The following WDR72 variants were observed in gnomAD, a reference collection of about 807,000 sequenced individuals.
WDR72 encodes the protein WD repeat-containing protein 72.
WDR72 carries 120 observed loss-of-function variants against 124.2 expected under a neutral mutation model. The observed-to-expected ratio is 0.97, with a 90% CI of 0.83 to 1.12. The LOEUF is 1.12. WDR72 is among the 50% of genes most tolerant of loss of function. WDR72 has a pLI of 0.00. For missense variants in WDR72, 1,387 were observed against 1,278.8 expected (o/e 1.08, Z -1.29); for synonymous variants, 452 against 441.7 (o/e 1.02, Z -0.29).
At chr15:53,570,262 ATTT>A (rs34458553) in intron 18 of WDR72, among the ~76,000 whole-genome samples, 3 of 146,478 alleles carry the variant, frequency 2.0e-5, no homozygotes, top group African/African-American at 7.4e-5. Flanking sequence ...CTCATATACC[ATTT>A]TTTTTTTTTT....
At chr15:53,588,800 T>G (rs2012351271) in intron 18 of WDR72, among the ~76,000 whole-genome samples, 2 of 150,352 alleles carry the variant, frequency 1.3e-5, no homozygotes, top group Admixed American at 6.6e-5. Context: ...CAGAATTGCA[T>G]TTGATGGAGG....
At chr15:53,530,593 T>C (rs1044082150) in intron 18 of WDR72, among the ~76,000 whole-genome samples, 7 of 151,986 alleles carry the variant, frequency 4.6e-5, no homozygotes, top group African/African-American at 1.2e-4. Context: ...TATTGATAAA[T>C]TGAAGAACAG....
intron 19 of WDR72, among the ~76,000 whole-genome samples, chr15:53,522,497 T>C (rs1202472049): frequency 6.6e-6 from 1 of 152,096 alleles, no homozygotes; most frequent in Non-Finnish European, 1.5e-5. Context: ...TCCAGGAATG[T>C]TCATTCGACT....
At chr15:53,752,031 G>A (rs929068338) in intron 1 of WDR72, among the ~76,000 whole-genome samples, 2 of 152,106 alleles carry the variant, frequency 1.3e-5, no homozygotes, top group African/African-American at 2.4e-5. Context: ...ATCCTGCTAA[G>A]TAAACAATAT....
chr15:53,669,625 C>A (rs2015921109), intron 13 of WDR72, among the ~76,000 whole-genome samples: 1 of 152,094 alleles, frequency 6.6e-6, no homozygotes, highest in Non-Finnish European at 1.5e-5. Flanking sequence ...ACTTATGATG[C>A]AGAATGTTTC....
chr15:53,664,375 C>T (rs540831478), intron 14 of WDR72, among the ~76,000 whole-genome samples: 1 of 152,260 alleles, frequency 6.6e-6, no homozygotes, highest in South Asian at 2.1e-4. Context: ...GTTGACAAAT[C>T]CTAGACTCAC....
At chr15:53,597,354 G>T in intron 17 of WDR72, 80 bp from the exon 18 acceptor site, 1 of 1,421,904 alleles carries the variant, frequency 7.0e-7, no homozygotes. Context: ...CCAAAGCCCG[G>T]AATTTAAATT....
intron 13 of WDR72, among the ~76,000 whole-genome samples, chr15:53,682,371 C>A (rs1471482149): frequency 6.6e-6 from 1 of 151,836 alleles, no homozygotes; most frequent in African/African-American, 2.4e-5. Context: ...AAGATGTACA[C>A]TGGGTCTTGT....
At chr15:53,662,649 T>C (rs2140446138) in intron 14 of WDR72, among the ~76,000 whole-genome samples, 1 of 152,282 alleles carries the variant, frequency 6.6e-6, no homozygotes, top group South Asian at 2.1e-4. Flanking sequence ...TTCTTAAAAT[T>C]AATTTTTTTC....
chr15:53,760,103 C>G (rs2019033768), upstream of WDR72, among the ~76,000 whole-genome samples: 1 of 149,170 alleles, frequency 6.7e-6, no homozygotes, highest in Non-Finnish European at 1.5e-5. Flanking sequence ...TACAGACAAA[C>G]AATGCGTAAT....
At chr15:53,690,444 C>T (rs2016801613) in intron 13 of WDR72, among the ~76,000 whole-genome samples, 1 of 152,140 alleles carries the variant, frequency 6.6e-6, no homozygotes, top group Admixed American at 6.5e-5. Flanking sequence ...CTCCACCCTC[C>T]CACAACCACA....
At chr15:53,602,200 A>G (rs1031935438) in intron 17 of WDR72, among the ~76,000 whole-genome samples, 6 of 152,130 alleles carry the variant, frequency 3.9e-5, no homozygotes, top group African/African-American at 1.4e-4. Context: ...AAAACCATAC[A>G]ATTACATGGA....
intron 13 of WDR72, among the ~76,000 whole-genome samples, chr15:53,693,589 T>C (rs1235689904): frequency 6.6e-6 from 1 of 152,228 alleles, no homozygotes; most frequent in Non-Finnish European, 1.5e-5. Context: ...TCAAAGCCTA[T>C]GCACTTTGAA....
intron 17 of WDR72, among the ~76,000 whole-genome samples, chr15:53,602,748 A>G (rs2013100794): frequency 6.6e-6 from 1 of 152,080 alleles, no homozygotes; most frequent in African/African-American, 2.4e-5. Context: ...AAATAGATAA[A>G]TTCCTGGACA....
chr15:53,641,424 G>A (rs555707068), intron 14 of WDR72, among the ~76,000 whole-genome samples: 1 of 151,984 alleles, frequency 6.6e-6, no homozygotes, highest in South Asian at 2.1e-4. Flanking sequence ...CATCTGAGAA[G>A]GAAGAAGGAA....
chr15:53,532,868 C>T (rs181389152), intron 18 of WDR72, among the ~76,000 whole-genome samples: 21 of 151,932 alleles, frequency 1.4e-4, no homozygotes, highest in Admixed American at 1.3e-4. Flanking sequence ...TGTATACGTA[C>T]GTCAAAATAT....
At chr15:53,668,500 T>C (rs1346125702) in intron 13 of WDR72, among the ~76,000 whole-genome samples, 1 of 152,216 alleles carries the variant, frequency 6.6e-6, no homozygotes, top group Non-Finnish European at 1.5e-5. Flanking sequence ...CTTCACTGCT[T>C]GCTTTGTGAA....
chr15:53,609,129 CACT>C (rs2013419955), intron 17 of WDR72, among the ~76,000 whole-genome samples: 1 of 151,830 alleles, frequency 6.6e-6, no homozygotes, highest in Non-Finnish European at 1.5e-5. Context: ...TATATATGAC[CACT>C]ATGTGCCCAC....
At chr15:53,573,568 C>T (rs539618664) in intron 18 of WDR72, among the ~76,000 whole-genome samples, 5 of 149,344 alleles carry the variant, frequency 3.3e-5, no homozygotes, top group African/African-American at 7.5e-5. Context: ...TTTTCGGAGA[C>T]GGAGTCTCGC....
Sources: gnomAD v4.1 joint callset for allele counts (sites outside exome capture counted in the v4.1 genomes callset) on GRCh38, gnomAD v4.1.1 for gene constraint, MANE v1.5 for transcripts, NCBI Gene and HGNC (gene_info 2026-07-23, HGNC 2026-07-21) for gene names.